The following PCDHA10 variants were observed in gnomAD, a reference collection of about 807,000 sequenced individuals.
The protein encoded by PCDHA10 is protocadherin alpha-10.
In PCDHA10, 45 loss-of-function variants were observed where a neutral mutation model predicts 61.2. That is an observed-to-expected ratio of 0.74 (90% CI 0.58 to 0.94). The LOEUF (loss-of-function observed/expected upper bound fraction) is 0.94, where lower values mean the gene tolerates loss of function less well. PCDHA10 is among the 40% of genes least tolerant of loss of function. The probability of loss-of-function intolerance (pLI) is 0.00; values close to 1 mark genes in which losing one functional copy is unlikely to be tolerated. For missense variants in PCDHA10, 1,278 were observed against 1,236.2 expected, an observed-to-expected ratio of 1.03 and a Z score of -0.51; for synonymous variants, 602 against 548.8, an observed-to-expected ratio of 1.10 and a Z score of -1.35.
intron 1 of PCDHA10, among the ~76,000 whole-genome samples, chr5:140,973,039 C>T (rs782146596): frequency 1.3e-5 from 2 of 152,040 alleles, no homozygotes; most frequent in Non-Finnish European, 2.9e-5. Flanking sequence ...ACTTTGAGTA[C>T]TCTAGTAGAT....
rs115129184 is a variant in PCDHA10, at chr5:140,964,722, A to G, written c.2389-14227A>G. 3.1e-3 allele frequency among the ~76,000 whole-genome samples: 468 copies of G among 152,140 alleles called. 3 individuals are homozygous for G. The highest frequency in any genetic ancestry group is 5.1e-3 in the Non-Finnish European group (346 of 67,996). On this transcript the variant is annotated intron_variant, in intron 1 of 3. Transcript: ENST00000307360. ...AAGGCCTCCGAGATCAAATTACCAC[A>G]GCAAACTGAGACAGAATTATTGTAG...
intron 1 of PCDHA10, among the ~76,000 whole-genome samples, chr5:140,917,286 C>T (rs155803): frequency 0.32 from 46,630 of 146,510 alleles, 7,654 homozygotes; most frequent in East Asian, 0.52. Context: ...GACGCTTTTC[C>T]GTGTGCAGAT....
At chr5:140,993,462 TCACACACACACACACACACACA>T (rs3836747) in intron 3 of PCDHA10, among the ~76,000 whole-genome samples, 6 of 141,044 alleles carry the variant, frequency 4.3e-5, no homozygotes, top group East Asian at 4.2e-4. Context: ...TCTTTCTTTC[TCACACACACACACACACACACA>T]CACACACACA....
intron 1 of PCDHA10, chr5:140,930,281 A>G (rs1554207692): frequency 6.6e-6 from 1 of 152,242 alleles, no homozygotes; most frequent in Non-Finnish European, 1.5e-5. Flanking sequence ...TAGGGGACAA[A>G]TACACTTAAC....
At chr5:141,003,936 C>T (rs934368361) in intron 3 of PCDHA10, among the ~76,000 whole-genome samples, 41 of 152,122 alleles carry the variant, frequency 2.7e-4, no homozygotes, top group African/African-American at 9.9e-4. Context: ...TTGTCTTTGC[C>T]TGAGGGTGAG....
intron 1 of PCDHA10, chr5:140,866,780 G>C (rs1327991487): frequency 6.6e-6 from 1 of 152,092 alleles, no homozygotes; most frequent in Admixed American, 6.6e-5. Flanking sequence ...TGTATGTCCT[G>C]ACTGATATAG....
chr5:141,002,598 C>T (rs2098087385), intron 3 of PCDHA10, among the ~76,000 whole-genome samples: 1 of 152,212 alleles, frequency 6.6e-6, no homozygotes, highest in Admixed American at 6.5e-5. Flanking sequence ...GTCCCCTCAT[C>T]TATAAAACAG....
rs1398153775 is a variant in PCDHA10, at chr5:140,869,752, G to T, written c.2388+11316G>T. On this transcript the variant is annotated intron_variant, in intron 1 of 3. Coordinates refer to ENST00000307360, the MANE Select transcript of PCDHA10 (RefSeq NM_018901.4). ...TAATTTGCTGCTAACAGCTACAGAC[G>T]GGGGAAAACCAGAGCTTACTGGCAC... 12 of 1,613,018 alleles carry T rather than the reference G, an allele frequency of 7.4e-6. No homozygotes were observed. The highest frequency in any genetic ancestry group is 1.0e-5 in the Non-Finnish European group (12 of 1,179,744).
At chr5:140,924,944 T>TA (rs11334471) in intron 1 of PCDHA10, among the ~76,000 whole-genome samples, 37 of 142,946 alleles carry the variant, frequency 2.6e-4, no homozygotes, top group Non-Finnish European at 4.2e-4. Context: ...AATAAAAAGT[T>TA]AAAAAAAAAA....
chr5:140,933,211 CTG>C (rs1491057503), intron 1 of PCDHA10, among the ~76,000 whole-genome samples: 2 of 151,532 alleles, frequency 1.3e-5, no homozygotes, highest in Non-Finnish European at 3.0e-5. Context: ...AATTACATGT[CTG>C]TTATATTGCA....
In PCDHA10 at chr5:140,856,320, G is replaced by T. The variant is rs2043925109; in HGVS notation, c.272G>T (p.Arg91Leu). 1.8e-5 allele frequency: 28 copies of T among 1,598,544 alleles called. 3 individuals carry two copies. Among genetic ancestry groups the T allele is most frequent in the Non-Finnish European group, 2.4e-5 (28 of 1,168,074 alleles). ...GILFVNSRIDREELCGRSVEC... is the reference protein window; with the variant it reads ...GILFVNSRIDLEELCGRSVEC... ...TTGTTTGTGAATTCTCGGATTGACC[G>T]CGAGGAGCTGTGCGGGCGGAGCGTG... Residue 91 changes from arginine (R) to leucine (L), a missense_variant, in exon 1 of 4, where the codon CGC (arginine) becomes CTC (leucine). Coordinates refer to ENST00000307360, the MANE Select transcript of PCDHA10 (RefSeq NM_018901.4).
Position 140,857,103 on chromosome 5 carries a change from C to G in PCDHA10, c.1055C>G (p.Thr352Ser). 6.3e-7 allele frequency: 1 copy of G among 1,597,644 alleles called. No homozygotes were observed. Among genetic ancestry groups the G allele is most frequent in the Non-Finnish European group, 8.6e-7 (1 of 1,167,206 alleles). The change falls in exon 1 of 4, where the codon ACT (threonine) becomes AGT (serine). Residue 352 changes from threonine to serine, a missense_variant. Transcript: ENST00000307360. ...ENDNSPEVIVTSLSLPVKEDA... is the reference protein window; with the variant it reads ...ENDNSPEVIVSSLSLPVKEDA... ...GATAATTCACCTGAGGTGATTGTCA[C>G]TTCTCTGTCTCTCCCAGTGAAAGAA...
chr5:140,879,824 T>G (rs946010713), intron 1 of PCDHA10, among the ~76,000 whole-genome samples: 2 of 152,250 alleles, frequency 1.3e-5, no homozygotes, highest in Non-Finnish European at 2.9e-5. Context: ...TGGTGTTCCC[T>G]GGCTTGTGGC....
At chr5:140,960,715 CTTATTTTAGTCCA>C (rs60915889) in intron 1 of PCDHA10, among the ~76,000 whole-genome samples, 85,456 of 151,802 alleles carry the variant, frequency 0.56, 24,653 homozygotes, top group African/African-American at 0.69. Flanking sequence ...AAATACTCAT[CTTATTTTAGTCCA>C]TGATTTTAGT....
At chr5:140,962,841 A>G (rs1298725922) in intron 1 of PCDHA10, among the ~76,000 whole-genome samples, 3 of 152,210 alleles carry the variant, frequency 2.0e-5, no homozygotes, top group African/African-American at 7.2e-5. Flanking sequence ...TTTTTATTAT[A>G]TAACTTGTGC....
intron 1 of PCDHA10, among the ~76,000 whole-genome samples, chr5:140,937,729 G>A (rs1471512736): frequency 1.3e-5 from 2 of 151,886 alleles, no homozygotes; most frequent in African/African-American, 4.8e-5. Context: ...TGGCTAACAC[G>A]GTGAAACCCC....
chr5:140,966,690 G>T, intron 1 of PCDHA10: 1 of 1,349,568 alleles, frequency 7.4e-7, no homozygotes, highest in Non-Finnish European at 9.5e-7. Context: ...AGCGGAGGCG[G>T]GGCCCGGGCG....
intron 1 of PCDHA10, among the ~76,000 whole-genome samples, chr5:140,974,660 C>T (rs529524485): frequency 2.6e-5 from 4 of 152,116 alleles, no homozygotes; most frequent in South Asian, 2.1e-4. Flanking sequence ...TACAGGCATG[C>T]GCCACCATGC....
intron 1 of PCDHA10, chr5:140,876,434 A>G (rs2056340599): frequency 1.2e-6 from 2 of 1,613,976 alleles, no homozygotes; most frequent in Non-Finnish European, 1.7e-6. Flanking sequence ...ATTCAGGTTA[A>G]CGCCATTGAT....
Sources: allele counts gnomAD v4.1 joint callset (sites outside exome capture counted in the v4.1 genomes callset), GRCh38; gene constraint gnomAD v4.1.1; transcripts MANE v1.5; gene names NCBI Gene and HGNC (gene_info 2026-07-23, HGNC 2026-07-21).